The following CNTNAP4 variants were observed in gnomAD, a reference collection of about 807,000 sequenced individuals.
The protein encoded by CNTNAP4 is contactin-associated protein-like 4.
CNTNAP4 carries 98 observed loss-of-function variants against 148.4 expected under a neutral mutation model. The ratio of observed to expected loss-of-function variants is 0.66; its 90% CI spans 0.56 to 0.78. The LOEUF (loss-of-function observed/expected upper bound fraction) is 0.78, where lower values mean the gene tolerates loss of function less well. Among genes scored for constraint, CNTNAP4 ranks in the 30% least tolerant of loss-of-function variants. The pLI is 0.00. For synonymous variants in CNTNAP4, 730 were observed against 565.1 expected, an observed-to-expected ratio of 1.29 and a Z score of -4.14; for missense variants, 1,935 against 1,565.6, an observed-to-expected ratio of 1.24 and a Z score of -3.98.
chr16:76,483,507 A>G (rs1158636301), intron 12 of CNTNAP4, among the ~76,000 whole-genome samples: 7 of 152,190 alleles, frequency 4.6e-5, no homozygotes, highest in Admixed American at 4.6e-4. Context: ...CATTGAGCTC[A>G]TGGCCAAGAG....
At chr16:76,483,682 A>G (rs74706363) in intron 12 of CNTNAP4, among the ~76,000 whole-genome samples, 18 of 152,326 alleles carry the variant, frequency 1.2e-4, no homozygotes, top group African/African-American at 4.3e-4. Context: ...ATGCAAAAAA[A>G]TGTGGCACTT....
intron 3 of CNTNAP4, among the ~76,000 whole-genome samples, chr16:76,389,515 G>A (rs567497082): frequency 2.0e-5 from 3 of 152,184 alleles, no homozygotes; most frequent in East Asian, 1.9e-4. Flanking sequence ...GTGCAGTGAC[G>A]TGATCTCAGC....
At chr16:76,443,505 C>G (rs2080122196) in intron 4 of CNTNAP4, among the ~76,000 whole-genome samples, 1 of 152,082 alleles carries the variant, frequency 6.6e-6, no homozygotes, top group Non-Finnish European at 1.5e-5. Context: ...GTTGGAGGTT[C>G]ACTTGAGCCT....
At chr16:76,343,938 G>T (rs1964698190) in intron 2 of CNTNAP4, among the ~76,000 whole-genome samples, 1 of 152,102 alleles carries the variant, frequency 6.6e-6, no homozygotes, top group Admixed American at 6.5e-5. Flanking sequence ...CCTCTCATTT[G>T]TTTGTAGGCC....
chr16:76,507,778 T>C (rs550963654), intron 15 of CNTNAP4, among the ~76,000 whole-genome samples: 6 of 93,732 alleles, frequency 6.4e-5, no homozygotes, highest in African/African-American at 1.7e-4. Context: ...AAACCTACTT[T>C]CTTGACACAC....
chr16:76,456,318 C>G (rs2080728826), intron 8 of CNTNAP4, among the ~76,000 whole-genome samples: 1 of 152,190 alleles, frequency 6.6e-6, no homozygotes, highest in South Asian at 2.1e-4. Flanking sequence ...TTGCTGTAGA[C>G]TAAATGCTGT....
rs983374714 is a variant in CNTNAP4, at chr16:76,449,640, T to C, written c.928-75T>C. Reference sequence around the variant, plus strand: ...GATCTGTGTGTGATGATTATAGCTATACTTGCTAATCATAATTAAGCAGAT... The same window carrying C: ...GATCTGTGTGTGATGATTATAGCTACACTTGCTAATCATAATTAAGCAGAT... On this transcript the variant is annotated intron_variant, in intron 6 of 23. Coordinates refer to ENST00000611870, the MANE Select transcript of CNTNAP4 (RefSeq NM_033401.5). 8.1e-6 allele frequency: 10 copies of C among 1,233,618 alleles called. No individual in the cohort carries two copies. In the African/African-American group the frequency reaches 1.4e-4, roughly 17 times the overall value. 76.4% of individuals were successfully genotyped at this position (1,233,618 alleles called of 1,614,324 possible).
intron 3 of CNTNAP4, among the ~76,000 whole-genome samples, chr16:76,357,080 CA>C (rs2012773518): frequency 6.6e-6 from 1 of 151,662 alleles, no homozygotes; most frequent in African/African-American, 2.4e-5. Flanking sequence ...CACACACACA[CA>C]CCCCAAACTC....
chr16:76,479,659 C>T lies in CNTNAP4; in HGVS notation c.1882+121C>T, dbSNP rs28576107. On this transcript the variant is annotated intron_variant, in intron 12 of 23. Transcript: ENST00000611870. ...CAACTTGATTAAAATATGTATTGTTCCTTAGAAAAACTGAACATAAATCTT... is the reference window on the plus strand; with the variant it reads ...CAACTTGATTAAAATATGTATTGTTTCTTAGAAAAACTGAACATAAATCTT... 5.9e-3 allele frequency: 5,765 copies of T among 975,110 alleles called. 143 individuals carry two copies. The African/African-American group carries it at 0.069, about 12-fold the overall frequency. The allele number at this position is 975,110 out of a possible 1,614,324, so 60.4% of individuals were successfully genotyped here.
chr16:76,488,528 A>T (rs541909462), intron 12 of CNTNAP4, among the ~76,000 whole-genome samples: 1 of 152,278 alleles, frequency 6.6e-6, no homozygotes, highest in Admixed American at 6.5e-5. Context: ...TTCAAAGTAT[A>T]CCTCCTTATT....
intron 15 of CNTNAP4, among the ~76,000 whole-genome samples, chr16:76,513,360 G>T (rs578069719): frequency 3.0e-4 from 46 of 152,236 alleles, no homozygotes; most frequent in African/African-American, 1.0e-3. Context: ...GGACAGTGAA[G>T]GCATGAAGGA....
At chr16:76,548,710 C>T (rs1353998150) in intron 21 of CNTNAP4, among the ~76,000 whole-genome samples, 4 of 152,076 alleles carry the variant, frequency 2.6e-5, no homozygotes, top group Non-Finnish European at 5.9e-5. Context: ...ACAAGAAACA[C>T]CTAAAACATG....
Position 76,277,670 on chromosome 16 carries a change from C to G in CNTNAP4, c.8C>G (p.Ser3Cys). MG[S>C]VTGAVLKTLL... ...AGCCCAATAAATGTGAACATGGGAT[C>G]TGTCACGGGAGCTGTCCTCAAGACG... The change falls in exon 1 of 24, where the codon TCT (serine) becomes TGT (cysteine). Residue 3 changes from serine to cysteine, a missense_variant. Coordinates refer to ENST00000611870, the MANE Select transcript of CNTNAP4 (RefSeq NM_033401.5). 6.2e-7 allele frequency: 1 copy of G among 1,602,248 alleles called. No homozygotes were observed. Among genetic ancestry groups the G allele is most frequent in the South Asian group, 1.1e-5 (1 of 88,578 alleles).
At chr16:76,516,376 C>T (rs8056373) in intron 15 of CNTNAP4, among the ~76,000 whole-genome samples, 150,490 of 152,336 alleles carry the variant, frequency 0.99, 74,360 homozygotes, top group East Asian at 1. Context: ...AAGTCTTTGC[C>T]ATTGTAAATA....
chr16:76,342,037 C>T (rs1480973376), intron 2 of CNTNAP4, among the ~76,000 whole-genome samples: 1 of 152,150 alleles, frequency 6.6e-6, no homozygotes, highest in South Asian at 2.1e-4. Flanking sequence ...GAAGGATATT[C>T]TACAGATGCA....
At chr16:76,311,463 C>G (rs1447677039) in intron 1 of CNTNAP4, among the ~76,000 whole-genome samples, 2 of 152,010 alleles carry the variant, frequency 1.3e-5, no homozygotes, top group Non-Finnish European at 2.9e-5. Flanking sequence ...GAAAATGACT[C>G]AGCATATTTT....
intron 9 of CNTNAP4, 120 bp from the exon 10 acceptor site, chr16:76,467,232 C>A: frequency 1.2e-6 from 1 of 813,830 alleles, no homozygotes; most frequent in South Asian, 1.8e-5. Flanking sequence ...AGTCATTATT[C>A]CCTCCTTTAA....
chr16:76,486,489 T>C (rs1182766286), intron 12 of CNTNAP4, among the ~76,000 whole-genome samples: 1 of 152,032 alleles, frequency 6.6e-6, no homozygotes, highest in Non-Finnish European at 1.5e-5. Context: ...CAGGTAGCAG[T>C]TGCTTGTCTA....
chr16:76,420,656 C>G (rs186545903), intron 3 of CNTNAP4, among the ~76,000 whole-genome samples: 3 of 151,976 alleles, frequency 2.0e-5, no homozygotes, highest in Middle Eastern at 3.4e-3. Flanking sequence ...CCCATGAAAG[C>G]TGCTCATAAA....
Sources: allele counts gnomAD v4.1 joint callset (sites outside exome capture counted in the v4.1 genomes callset), GRCh38; gene constraint gnomAD v4.1.1; transcripts MANE v1.5; gene names NCBI Gene and HGNC (gene_info 2026-07-23, HGNC 2026-07-21).